NEGR1: variants seen among roughly 807,000 people sequenced by gnomAD.
NEGR1 encodes the protein IgLON family member 4.
Under a neutral mutation model 40.9 loss-of-function variants are expected in NEGR1, and 10 were observed. The observed-to-expected ratio is 0.24, with a 90% CI of 0.15 to 0.42. NEGR1 has a LOEUF of 0.42. NEGR1 is among the 10% of genes least tolerant of loss of function. The pLI is 1.00. For synonymous variants in NEGR1, 185 were observed against 166.8 expected (o/e 1.11, Z -0.84); for missense variants, 352 against 438.9 (o/e 0.80, Z 1.77).
At chr1:71,639,249 C>A (rs1171898250) in intron 4 of NEGR1, among the ~76,000 whole-genome samples, 1 of 150,806 alleles carries the variant, frequency 6.6e-6, no homozygotes, top group Non-Finnish European at 1.5e-5. Flanking sequence ...GTTCCCCATG[C>A]CCATGCCCAA....
chr1:71,775,184 C>T (rs1557647604), intron 3 of NEGR1, among the ~76,000 whole-genome samples: 1 of 152,140 alleles, frequency 6.6e-6, no homozygotes, highest in South Asian at 2.1e-4. Context: ...TCAAATAAAT[C>T]TCTTACATAT....
intron 6 of NEGR1, among the ~76,000 whole-genome samples, chr1:71,410,389 G>C (rs1440549861): frequency 6.6e-6 from 1 of 152,052 alleles, no homozygotes; most frequent in Non-Finnish European, 1.5e-5. Context: ...TATTATGTTC[G>C]TGGGGTTGAA....
chr1:72,018,857 T>C (rs147533645), intron 1 of NEGR1, among the ~76,000 whole-genome samples: 4 of 152,088 alleles, frequency 2.6e-5, no homozygotes, highest in Non-Finnish European at 4.4e-5. Context: ...TAGGAGGACA[T>C]TGGGGAAATG....
At chr1:71,674,685 G>A (rs1652555287) in intron 4 of NEGR1, among the ~76,000 whole-genome samples, 1 of 151,842 alleles carries the variant, frequency 6.6e-6, no homozygotes, top group African/African-American at 2.4e-5. Flanking sequence ...TTTTCAATGA[G>A]TTAAGAGGAC....
chr1:71,623,501 A>AG (rs1209001589), intron 4 of NEGR1, among the ~76,000 whole-genome samples: 3 of 151,982 alleles, frequency 2.0e-5, no homozygotes, highest in Non-Finnish European at 2.9e-5. Context: ...CTTATGAACA[A>AG]GGGGGGAAAA....
intron 1 of NEGR1, among the ~76,000 whole-genome samples, chr1:72,216,417 G>GCACA (rs1653822242): frequency 2.3e-5 from 3 of 130,972 alleles, no homozygotes; most frequent in African/African-American, 1.0e-4. Flanking sequence ...ATATATATAT[G>GCACA]TATATCTATA....
intron 1 of NEGR1, among the ~76,000 whole-genome samples, chr1:72,137,037 C>A (rs569688465): frequency 6.6e-6 from 1 of 152,082 alleles, no homozygotes; most frequent in African/African-American, 2.4e-5. Context: ...AAATCAAAAC[C>A]ACAATGAGAT....
intron 1 of NEGR1, among the ~76,000 whole-genome samples, chr1:72,107,054 T>A (rs1649162181): frequency 6.6e-6 from 1 of 151,802 alleles, no homozygotes; most frequent in Non-Finnish European, 1.5e-5. Context: ...ATTAGGTCTG[T>A]ATACAATGAT....
chr1:71,772,684 T>C (rs893055470), intron 3 of NEGR1, among the ~76,000 whole-genome samples: 3 of 152,102 alleles, frequency 2.0e-5, no homozygotes, highest in Admixed American at 6.5e-5. Context: ...GTAAAGAAAA[T>C]GTCTATTCTT....
intron 1 of NEGR1, among the ~76,000 whole-genome samples, chr1:72,134,105 T>C (rs1474615018): frequency 6.6e-6 from 1 of 152,140 alleles, no homozygotes; most frequent in Non-Finnish European, 1.5e-5. Context: ...TCATCACCTA[T>C]TCCTCTTTCT....
chr1:71,501,715 ATG>A (rs1407084953), intron 6 of NEGR1, among the ~76,000 whole-genome samples: 1 of 152,224 alleles, frequency 6.6e-6, no homozygotes, highest in Non-Finnish European at 1.5e-5. Flanking sequence ...TGAAAAAATA[ATG>A]TTCATAAAAT....
At chr1:72,256,973 A>T (rs1213169044) in intron 1 of NEGR1, among the ~76,000 whole-genome samples, 2 of 152,172 alleles carry the variant, frequency 1.3e-5, no homozygotes, top group African/African-American at 4.8e-5. Context: ...TTTAAACTCA[A>T]ATTAAGATCT....
intron 4 of NEGR1, among the ~76,000 whole-genome samples, chr1:71,640,736 G>A (rs1043184242): frequency 6.6e-6 from 1 of 151,958 alleles, no homozygotes; most frequent in African/African-American, 2.4e-5. Flanking sequence ...AAAATCGAGA[G>A]CTTCTGACTA....
chr1:71,790,667 A>G (rs1657082979), intron 2 of NEGR1, among the ~76,000 whole-genome samples: 1 of 152,116 alleles, frequency 6.6e-6, no homozygotes. Flanking sequence ...ATAAAAAACT[A>G]TTTTATGAGA....
chr1:72,013,990 G>GAAAAAAAAAAAAAA (rs1557483824), intron 1 of NEGR1, among the ~76,000 whole-genome samples: 1 of 119,216 alleles, frequency 8.4e-6, no homozygotes, highest in African/African-American at 3.5e-5. Flanking sequence ...AAAAAAAAAG[G>GAAAAAAAAAAAAAA]AGGTTGGGGG....
intron 6 of NEGR1, among the ~76,000 whole-genome samples, chr1:71,564,333 T>A (rs1648552305): frequency 6.6e-6 from 1 of 152,112 alleles, no homozygotes; most frequent in African/African-American, 2.4e-5. Flanking sequence ...GAGAACTTAA[T>A]TTCATAAACT....
At chr1:71,751,644 G>T (rs2101688197) in intron 3 of NEGR1, among the ~76,000 whole-genome samples, 1 of 151,994 alleles carries the variant, frequency 6.6e-6, no homozygotes, top group South Asian at 2.1e-4. Context: ...GCCCAGAGCT[G>T]CTTCTGTGGC....
intron 4 of NEGR1, among the ~76,000 whole-genome samples, chr1:71,642,604 A>C (rs1344885204): frequency 6.6e-6 from 1 of 151,884 alleles, no homozygotes; most frequent in Non-Finnish European, 1.5e-5. Flanking sequence ...TCAATAAAGG[A>C]CTATGCAGTC....
Position 71,405,568 on chromosome 1 carries a change from A to C in NEGR1, c.*1878T>G, listed in dbSNP as rs1197849040. ...TACATTTATTACAGTTAGTAGATTTACTAGCTTTATGCCTTATTATTGCCA... is the reference window on the plus strand; with the variant it reads ...TACATTTATTACAGTTAGTAGATTTCCTAGCTTTATGCCTTATTATTGCCA... On this transcript the variant is annotated 3_prime_UTR_variant, in exon 7 of 7. Transcript: ENST00000357731. 1 of 152,094 alleles carries C rather than the reference A, an allele frequency of 6.6e-6. No individual in the cohort carries two copies. The highest frequency in any genetic ancestry group is 1.5e-5 in the Non-Finnish European group (1 of 67,762). 9.4% of individuals were successfully genotyped at this position (152,094 alleles called of 1,614,324 possible).
Sources: gnomAD v4.1 joint callset for allele counts (sites outside exome capture counted in the v4.1 genomes callset) on GRCh38, gnomAD v4.1.1 for gene constraint, MANE v1.5 for transcripts, NCBI Gene and HGNC (gene_info 2026-07-23, HGNC 2026-07-21) for gene names.